FBXW11: variants seen among roughly 807,000 people sequenced by gnomAD.
The protein encoded by FBXW11 is F-box/WD repeat-containing protein 11.
FBXW11 carries 19 observed loss-of-function variants against 77.6 expected under a neutral mutation model. The observed-to-expected ratio is 0.24, with a 90% CI of 0.17 to 0.36. The LOEUF is 0.36. FBXW11 is among the 10% of genes least tolerant of loss of function. The probability of loss-of-function intolerance (pLI) is 1.00; values close to 1 mark genes in which losing one functional copy is unlikely to be tolerated. For synonymous variants in FBXW11, 235 were observed against 249.4 expected (o/e 0.94, Z 0.54); for missense variants, 334 against 704.2 (o/e 0.47, Z 5.95).
intron 4 of FBXW11, 142 bp downstream of exon 4, chr5:171,910,430 C>T (rs1157544884): frequency 7.3e-6 from 4 of 550,250 alleles, no homozygotes; most frequent in Non-Finnish European, 1.3e-5. Flanking sequence ...TATAATTCCT[C>T]GAGTTCCATA....
At chr5:171,878,953 CAAAGT>C (rs1397146942) in intron 7 of FBXW11, among the ~76,000 whole-genome samples, 3 of 152,046 alleles carry the variant, frequency 2.0e-5, no homozygotes, top group African/African-American at 2.4e-5. Flanking sequence ...ATAAAAGTCT[CAAAGT>C]AAACTATGAA....
At position 171,868,686 on chromosome 5, in the gene FBXW11, G is replaced by C. The variant is rs1757573545; in HGVS notation, c.1641C>G (p.Ala547=). Residue 547 remains alanine (A), a synonymous_variant, in exon 13 of 14, where the codon GCC becomes GCG. Coordinates refer to ENST00000517395, the MANE Select transcript of FBXW11 (RefSeq NM_001378974.1). ...IWDFLNVPPS[A]QNETRSPSRT... is the part of the protein sequence containing the mutation. ...TGGAGGGAGAACGGGTCTCATTCTG[G>C]GCACTGGGAGGCACATTTAAGAAAT... 3.7e-6 allele frequency: 6 copies of C among 1,613,746 alleles called. No homozygotes were observed. The highest frequency in any genetic ancestry group is 5.1e-6 in the Non-Finnish European group (6 of 1,179,892).
intron 7 of FBXW11, among the ~76,000 whole-genome samples, chr5:171,885,378 G>A (rs1581147248): frequency 6.6e-6 from 1 of 152,252 alleles, no homozygotes; most frequent in East Asian, 1.9e-4. Context: ...CCCACACTGA[G>A]CCTCCAGCAA....
rs185583062 is a variant in FBXW11, at chr5:171,925,636, G to A, written c.148-11231C>T. On this transcript the variant is annotated intron_variant, in intron 2 of 13. Transcript: ENST00000517395. ...GCTGGGACCACAGGTGCATGCCACC[G>A]TGCCTGGCTAATTTTTTTATTTTTC... Among the ~76,000 whole-genome samples the A allele has an allele frequency of 2.1e-4, 32 of 152,192 alleles. No homozygotes were observed. The South Asian group carries it at 3.5e-3, about 17-fold the overall frequency.
At chr5:171,982,043 A>C (rs1264585458) in intron 1 of FBXW11, among the ~76,000 whole-genome samples, 1 of 152,176 alleles carries the variant, frequency 6.6e-6, no homozygotes, top group Admixed American at 6.6e-5. Flanking sequence ...AAAGGGGAAC[A>C]GGGAAGTTTT....
intron 1 of FBXW11, among the ~76,000 whole-genome samples, chr5:171,982,131 G>A (rs949584220): frequency 6.6e-6 from 1 of 152,046 alleles, no homozygotes; most frequent in Non-Finnish European, 1.5e-5. Context: ...AACTCAAACA[G>A]TACACTTAAA....
intron 1 of FBXW11, among the ~76,000 whole-genome samples, chr5:171,973,157 G>C (rs959295282): frequency 1.3e-5 from 2 of 152,134 alleles, no homozygotes; most frequent in Admixed American, 6.5e-5. Context: ...CACTGAACTT[G>C]AATCTAACCA....
chr5:171,997,084 A>G, intron 1 of FBXW11: 1 of 1,288,772 alleles, frequency 7.8e-7, no homozygotes, highest in African/African-American at 1.5e-5. Flanking sequence ...CCATACACCC[A>G]CCATGGCACC....
At chr5:171,952,857 T>C (rs1437252669) in intron 2 of FBXW11, among the ~76,000 whole-genome samples, 2 of 152,020 alleles carry the variant, frequency 1.3e-5, no homozygotes, top group Non-Finnish European at 2.9e-5. Flanking sequence ...ATGAGATTTT[T>C]TTTCTTTCGC....
chr5:171,925,106 G>A (rs1761821039), intron 2 of FBXW11, among the ~76,000 whole-genome samples: 1 of 152,106 alleles, frequency 6.6e-6, no homozygotes, highest in Non-Finnish European at 1.5e-5. Flanking sequence ...CTGGGCAGGG[G>A]CACTGCCAGC....
At chr5:171,877,497 C>T (rs926391227) in intron 8 of FBXW11, among the ~76,000 whole-genome samples, 6 of 152,148 alleles carry the variant, frequency 3.9e-5, no homozygotes, top group Non-Finnish European at 7.4e-5. Flanking sequence ...TTCCACATCA[C>T]GGCTTTTCTG....
At chr5:171,950,969 AC>A (rs1412098667) in intron 2 of FBXW11, among the ~76,000 whole-genome samples, 1 of 152,142 alleles carries the variant, frequency 6.6e-6, no homozygotes, top group African/African-American at 2.4e-5. Context: ...CCTCCTATGA[AC>A]AAAGAAAACA....
intron 2 of FBXW11, among the ~76,000 whole-genome samples, chr5:171,939,394 T>C (rs1762632740): frequency 6.6e-6 from 1 of 152,058 alleles, no homozygotes; most frequent in Admixed American, 6.6e-5. Flanking sequence ...ATAAACATTA[T>C]TTTTAAGAAC....
intron 3 of FBXW11, among the ~76,000 whole-genome samples, chr5:171,911,989 T>G (rs1271292377): frequency 6.6e-6 from 1 of 152,206 alleles, no homozygotes; most frequent in African/African-American, 2.4e-5. Context: ...AAGATAATTC[T>G]AAGAACTGAA....
At chr5:171,912,340 T>C (rs530580849) in intron 3 of FBXW11, among the ~76,000 whole-genome samples, 20 of 152,238 alleles carry the variant, frequency 1.3e-4, no homozygotes, top group East Asian at 3.9e-4. Flanking sequence ...GGGGGAAGCA[T>C]TGAACAAGGA....
chr5:171,930,748 AAAAAAT>A (rs1762135517), intron 2 of FBXW11, among the ~76,000 whole-genome samples: 2 of 47,138 alleles, frequency 4.2e-5, no homozygotes, highest in African/African-American at 1.3e-4. Flanking sequence ...AATAAAAAAT[AAAAAAT>A]AAAAAAATAA....
intron 1 of FBXW11, among the ~76,000 whole-genome samples, chr5:171,990,448 T>C (rs1765675816): frequency 6.6e-6 from 1 of 152,156 alleles, no homozygotes; most frequent in African/African-American, 2.4e-5. Context: ...AATGTGGCAA[T>C]GTCTATCAGA....
At chr5:171,946,607 A>G (rs1485013816) in intron 2 of FBXW11, among the ~76,000 whole-genome samples, 2 of 151,818 alleles carry the variant, frequency 1.3e-5, no homozygotes, top group South Asian at 4.2e-4. Flanking sequence ...CTTGTTGTAC[A>G]CTTGCTGTTC....
chr5:171,936,540 T>C (rs1049781683), intron 2 of FBXW11, among the ~76,000 whole-genome samples: 30 of 141,278 alleles, frequency 2.1e-4, no homozygotes, highest in African/African-American at 7.8e-4. Flanking sequence ...ATTACAAAAA[T>C]TATAATTAAA....
Sources: allele counts gnomAD v4.1 joint callset (sites outside exome capture counted in the v4.1 genomes callset), GRCh38; gene constraint gnomAD v4.1.1; transcripts MANE v1.5; gene names NCBI Gene and HGNC (gene_info 2026-07-23, HGNC 2026-07-21).